The following CHST11 variants were observed in gnomAD, a reference collection of about 807,000 sequenced individuals.
CHST11 encodes the protein carbohydrate sulfotransferase 11.
Under a neutral mutation model 30.4 loss-of-function variants are expected in CHST11, and 9 were observed. That is an observed-to-expected ratio of 0.30 (90% CI 0.18 to 0.52). CHST11 has a LOEUF of 0.52. CHST11 is among the 20% of genes least tolerant of loss of function. The probability of loss-of-function intolerance (pLI) is 0.97; values close to 1 mark genes in which losing one functional copy is unlikely to be tolerated. For missense variants in CHST11, 348 were observed against 460.6 expected, an observed-to-expected ratio of 0.76 and a Z score of 2.24; for synonymous variants, 152 against 187.8, an observed-to-expected ratio of 0.81 and a Z score of 1.56.
At chr12:104,613,587 C>T (rs1479661461) in intron 2 of CHST11, among the ~76,000 whole-genome samples, 1 of 152,194 alleles carries the variant, frequency 6.6e-6, no homozygotes, top group African/African-American at 2.4e-5. Context: ...TCTCTCTCTT[C>T]CTCCTGCTCT....
chr12:104,646,175 T>C (rs1305695396), intron 2 of CHST11, among the ~76,000 whole-genome samples: 2 of 152,152 alleles, frequency 1.3e-5, no homozygotes, highest in Non-Finnish European at 2.9e-5. Flanking sequence ...CCCTGCGAGA[T>C]CCACTCCCCG....
At chr12:104,734,047 G>C (rs558874282) in intron 2 of CHST11, among the ~76,000 whole-genome samples, 1 of 152,202 alleles carries the variant, frequency 6.6e-6, no homozygotes, top group Non-Finnish European at 1.5e-5. Flanking sequence ...GCTGGGCACT[G>C]CTCCTCCAAA....
rs1331749555 is a variant in CHST11, at chr12:104,554,901, ATGAGGAAAAAGGGGGACT to A, written c.119-46999_119-46982del. ...AGTGATATTGCTTTCCCCATCCAGA[ATGAGGAAAAAGGGGGACT>A]TGAGGCTGTACCGGGGTTGGTGGGG... On this transcript the variant is annotated intron_variant, in intron 1 of 2. Transcript: ENST00000303694. 2.0e-5 allele frequency among the ~76,000 whole-genome samples: 3 copies of A among 152,240 alleles called. No individual in the cohort carries two copies. The East Asian group carries it at 5.8e-4, about 29-fold the overall frequency.
chr12:104,721,787 T>C (rs2040179455), intron 2 of CHST11, among the ~76,000 whole-genome samples: 1 of 152,182 alleles, frequency 6.6e-6, no homozygotes, highest in African/African-American at 2.4e-5. Flanking sequence ...CTGGAAGATA[T>C]TGTATAATTT....
At chr12:104,718,832 G>A (rs1007340575) in intron 2 of CHST11, among the ~76,000 whole-genome samples, 4 of 152,104 alleles carry the variant, frequency 2.6e-5, no homozygotes, top group African/African-American at 9.7e-5. Context: ...GGACGAGAGT[G>A]GAGTCGACAC....
At chr12:104,568,974 A>G (rs1336226792) in intron 1 of CHST11, among the ~76,000 whole-genome samples, 2 of 152,206 alleles carry the variant, frequency 1.3e-5, no homozygotes, top group Non-Finnish European at 2.9e-5. Context: ...AAAGTACCTA[A>G]GAGTATGCCA....
chr12:104,721,335 C>T (rs1170014695), intron 2 of CHST11, among the ~76,000 whole-genome samples: 1 of 152,208 alleles, frequency 6.6e-6, no homozygotes, highest in East Asian at 1.9e-4. Context: ...AGAGCTACCT[C>T]AGAATGGTGC....
chr12:104,624,596 C>G (rs1053176448), intron 2 of CHST11, among the ~76,000 whole-genome samples: 1 of 152,138 alleles, frequency 6.6e-6, no homozygotes, highest in African/African-American at 2.4e-5. Context: ...ATCATACATA[C>G]CTTACACGAC....
intron 1 of CHST11, among the ~76,000 whole-genome samples, chr12:104,566,202 G>A (rs1198621257): frequency 2.0e-5 from 3 of 152,168 alleles, no homozygotes; most frequent in Admixed American, 2.0e-4. Context: ...TGGGAATCTA[G>A]AATATTCTTC....
At chr12:104,672,826 G>A (rs920465375) in intron 2 of CHST11, among the ~76,000 whole-genome samples, 1 of 152,190 alleles carries the variant, frequency 6.6e-6, no homozygotes, top group Non-Finnish European at 1.5e-5. Flanking sequence ...CTGTTCTCCT[G>A]CTGCCACCAC....
chr12:104,493,463 G>T (rs896695449), intron 1 of CHST11, among the ~76,000 whole-genome samples: 4 of 152,330 alleles, frequency 2.6e-5, no homozygotes, highest in African/African-American at 9.6e-5. Flanking sequence ...AGGTGCTGAG[G>T]GTTCGTTGGT....
intron 2 of CHST11, among the ~76,000 whole-genome samples, chr12:104,613,729 C>G (rs1439694388): frequency 6.6e-6 from 1 of 152,134 alleles, no homozygotes; most frequent in Non-Finnish European, 1.5e-5. Flanking sequence ...ATTACTCAGT[C>G]TCAGGTAGTT....
chr12:104,750,454 T>TTTTTTTTTTTTTTTTTG (rs1566064735), intron 2 of CHST11, among the ~76,000 whole-genome samples: 2 of 122,162 alleles, frequency 1.6e-5, no homozygotes, highest in African/African-American at 3.4e-5. Context: ...TTTTTTTTTT[T>TTTTTTTTTTTTTTTTTG]TTGTTGAGAC....
At chr12:104,752,312 C>G (rs373463355) in intron 2 of CHST11, among the ~76,000 whole-genome samples, 117 of 152,236 alleles carry the variant, frequency 7.7e-4, no homozygotes, top group African/African-American at 2.7e-3. Context: ...GGACACCACC[C>G]ATTGGGTCAG....
chr12:104,593,148 C>CT (rs76602418), intron 1 of CHST11, among the ~76,000 whole-genome samples: 42,876 of 152,040 alleles, frequency 0.28, 6,202 homozygotes, highest in African/African-American at 0.34. Context: ...CACTTTAGTT[C>CT]TACAACCACC....
intron 2 of CHST11, among the ~76,000 whole-genome samples, chr12:104,702,850 C>G (rs2040001303): frequency 6.6e-6 from 1 of 152,206 alleles, no homozygotes; most frequent in Non-Finnish European, 1.5e-5. Context: ...ATAATGGGTT[C>G]CAGCAGATTG....
intron 1 of CHST11, among the ~76,000 whole-genome samples, chr12:104,563,236 G>A (rs1053515768): frequency 1.3e-5 from 2 of 152,028 alleles, no homozygotes; most frequent in African/African-American, 2.4e-5. Context: ...AGATGGTTTT[G>A]CCTGTTGGCC....
intron 2 of CHST11, among the ~76,000 whole-genome samples, chr12:104,643,914 C>A (rs1293196100): frequency 6.6e-6 from 1 of 152,172 alleles, no homozygotes; most frequent in Non-Finnish European, 1.5e-5. Flanking sequence ...AACCTGATTC[C>A]TCTGGTACCA....
At chr12:104,531,979 GC>G (rs2038189746) in intron 1 of CHST11, among the ~76,000 whole-genome samples, 1 of 152,198 alleles carries the variant, frequency 6.6e-6, no homozygotes. Flanking sequence ...TAAGTCACTT[GC>G]CCAGTGGCTC....
Sources: gnomAD v4.1 joint callset for allele counts (sites outside exome capture counted in the v4.1 genomes callset) on GRCh38, gnomAD v4.1.1 for gene constraint, MANE v1.5 for transcripts, NCBI Gene and HGNC (gene_info 2026-07-23, HGNC 2026-07-21) for gene names.